Variants in SLF1 observed in about 807,000 individuals in gnomAD.
SLF1 encodes SMC5/6 complex localization factor 1.
SLF1 carries 105 observed loss-of-function variants against 123.0 expected under a neutral mutation model. That is an observed-to-expected ratio of 0.85 (90% confidence interval 0.73 to 1.00). The LOEUF (loss-of-function observed/expected upper bound fraction) is 1.00, where lower values mean the gene tolerates loss of function less well. Among genes scored for constraint, SLF1 ranks in the 50% least tolerant of loss-of-function variants. The pLI is 0.00. For missense variants in SLF1, 1,239 were observed against 1,223.0 expected, an observed-to-expected ratio of 1.01 and a Z score of -0.20; for synonymous variants, 434 against 406.6, an observed-to-expected ratio of 1.07 and a Z score of -0.81.
At chr5:94,650,586 C>G (rs2152478492) in intron 6 of SLF1, among the ~76,000 whole-genome samples, 1 of 151,910 alleles carries the variant, frequency 6.6e-6, no homozygotes, top group Admixed American at 6.6e-5. Flanking sequence ...GGATGGTCTC[C>G]ATCTCCTGAC....
At chr5:94,682,427 G>A (rs1751906081) in intron 15 of SLF1, among the ~76,000 whole-genome samples, 1 of 151,946 alleles carries the variant, frequency 6.6e-6, no homozygotes, top group Non-Finnish European at 1.5e-5. Context: ...CTTTTCCCAA[G>A]TCATTAGTAA....
chr5:94,687,677 C>G (rs1752591035), intron 16 of SLF1, among the ~76,000 whole-genome samples: 1 of 150,250 alleles, frequency 6.7e-6, no homozygotes, highest in Non-Finnish European at 1.5e-5. Context: ...AGGTGGCACA[C>G]TAAGACCCTG....
At chr5:94,627,619 T>TATATATATATAC (rs1261627669) in intron 1 of SLF1, among the ~76,000 whole-genome samples, 21 of 136,958 alleles carry the variant, frequency 1.5e-4, no homozygotes, top group African/African-American at 5.7e-4. Flanking sequence ...TATATATATA[T>TATATATATATAC]AGCAAAGTTA....
chr5:94,656,713 A>T (rs1412686034), intron 9 of SLF1, among the ~76,000 whole-genome samples: 2 of 151,662 alleles, frequency 1.3e-5, no homozygotes, highest in East Asian at 1.9e-4. Context: ...TTGGTAGGTT[A>T]TATGTGTCCA....
chr5:94,621,118 C>T (rs1251359562), intron 1 of SLF1, among the ~76,000 whole-genome samples: 1 of 151,962 alleles, frequency 6.6e-6, no homozygotes, highest in Non-Finnish European at 1.5e-5. Flanking sequence ...AAATGTCTTC[C>T]CACCCTTGTA....
intron 14 of SLF1, among the ~76,000 whole-genome samples, chr5:94,673,851 T>C (rs1398809141): frequency 6.6e-6 from 1 of 151,938 alleles, no homozygotes; most frequent in African/African-American, 2.4e-5. Flanking sequence ...TTTTTCTAAA[T>C]CAGCATTAAA....
intron 7 of SLF1, among the ~76,000 whole-genome samples, 169 bp downstream of exon 7, chr5:94,652,014 C>CT (rs11321582): frequency 5.6e-4 from 73 of 130,932 alleles, no homozygotes; most frequent in South Asian, 1.2e-3. Flanking sequence ...TTTCTTTTTT[C>CT]TTTTTTTTTT....
intron 10 of SLF1, 126 bp downstream of exon 10, chr5:94,662,477 TAAAG>T (rs372776772): frequency 8.4e-5 from 56 of 666,988 alleles, no homozygotes; most frequent in African/African-American, 7.3e-4. Flanking sequence ...TATGCACAAA[TAAAG>T]AAATATAGCT....
rs74728590 is a variant in SLF1 at position 94,677,266 on chromosome 5, A to G, written c.1828-1542A>G. The stretch of plus-strand genomic sequence containing the variant: ...AAACACCTTTGATTTAAATATAAAC[A>G]TTTTTTCGAAACATTAAAACCAGCT... On this transcript the variant is annotated intron_variant, in intron 14 of 20. Coordinates refer to ENST00000265140, the MANE Select transcript of SLF1 (RefSeq NM_032290.4). Among the ~76,000 whole-genome samples, 893 of 152,202 alleles carry G rather than the reference A, an allele frequency of 5.9e-3. 5 individuals are homozygous for G. The highest frequency in any genetic ancestry group is 0.017 in the Middle Eastern group (5 of 294).
At chr5:94,666,418 T>G (rs1749763216) in intron 12 of SLF1, among the ~76,000 whole-genome samples, 1 of 152,232 alleles carries the variant, frequency 6.6e-6, no homozygotes, top group South Asian at 2.1e-4. Flanking sequence ...AGTTATATTT[T>G]TTTCAGCTAG....
At chr5:94,681,127 A>T (rs1037945213) in intron 15 of SLF1, among the ~76,000 whole-genome samples, 1 of 151,968 alleles carries the variant, frequency 6.6e-6, no homozygotes, top group Admixed American at 6.6e-5. Flanking sequence ...TTTAAACATT[A>T]TTTCTTTTGT....
intron 1 of SLF1, among the ~76,000 whole-genome samples, chr5:94,623,860 A>G (rs1228843715): frequency 1.3e-5 from 2 of 152,174 alleles, no homozygotes; most frequent in African/African-American, 4.8e-5. Flanking sequence ...AAATAAATCA[A>G]TCAGTATATC....
chr5:94,670,052 T>C, intron 12 of SLF1, 99 bp from the exon 13 acceptor site: 2 of 1,179,738 alleles, frequency 1.7e-6, no homozygotes, highest in Non-Finnish European at 2.3e-6. Flanking sequence ...GAAAATTTTA[T>C]TAAAATTCCA....
chr5:94,672,466 C>T (rs1275548126), intron 14 of SLF1, among the ~76,000 whole-genome samples: 2 of 151,266 alleles, frequency 1.3e-5, no homozygotes, highest in African/African-American at 4.9e-5. Flanking sequence ...TCTTTCTCTC[C>T]CTCTACCATT....
intron 15 of SLF1, among the ~76,000 whole-genome samples, chr5:94,685,614 T>TG: frequency 6.6e-6 from 1 of 152,304 alleles, no homozygotes; most frequent in South Asian, 2.1e-4. Context: ...TTCTTCTTAT[T>TG]GAAGTTCTTG....
At chr5:94,626,478 C>T (rs1040350178) in intron 1 of SLF1, among the ~76,000 whole-genome samples, 1 of 152,050 alleles carries the variant, frequency 6.6e-6, no homozygotes, top group African/African-American at 2.4e-5. Context: ...CTTTAAGGCA[C>T]TTTCTTATGT....
At chr5:94,687,078 T>A (rs892391691) in intron 16 of SLF1, among the ~76,000 whole-genome samples, 9 of 152,348 alleles carry the variant, frequency 5.9e-5, no homozygotes, top group Non-Finnish European at 1.0e-4. Flanking sequence ...AACTCAATTT[T>A]AAAAAATTCT....
chr5:94,666,477 C>T (rs1056480058), intron 12 of SLF1, among the ~76,000 whole-genome samples: 1 of 152,140 alleles, frequency 6.6e-6, no homozygotes, highest in Non-Finnish European at 1.5e-5. Flanking sequence ...TATGTCATCT[C>T]TTTTATGCTT....
chr5:94,681,080 G>A (rs115119923), intron 15 of SLF1, among the ~76,000 whole-genome samples: 362 of 152,298 alleles, frequency 2.4e-3, no homozygotes, highest in African/African-American at 8.5e-3. Context: ...TGGTTGCTTA[G>A]GCTTCAAATT....
Sources: gnomAD v4.1 joint callset for allele counts (sites outside exome capture counted in the v4.1 genomes callset) on GRCh38, gnomAD v4.1.1 for gene constraint, MANE v1.5 for transcripts, NCBI Gene and HGNC (gene_info 2026-07-23, HGNC 2026-07-21) for gene names.